The following PRELID2 variants were observed in gnomAD, a reference collection of about 807,000 sequenced individuals.
PRELID2 encodes PRELI domain-containing protein 2.
PRELID2 carries 25 observed loss-of-function variants against 28.4 expected under a neutral mutation model. The ratio of observed to expected loss-of-function variants is 0.88; its 90% CI spans 0.64 to 1.23. The LOEUF is 1.23. Ranked by LOEUF, PRELID2 falls within the 50% of genes most tolerant of loss-of-function variation. The probability of loss-of-function intolerance (pLI) is 0.00; values close to 1 mark genes in which losing one functional copy is unlikely to be tolerated. For missense variants in PRELID2, 201 were observed against 214.4 expected (o/e 0.94, Z 0.39); for synonymous variants, 76 against 71.6 (o/e 1.06, Z -0.31).
chr5:145,632,953 T>C (rs1470983450), intron 1 of PRELID2, among the ~76,000 whole-genome samples: 2 of 152,120 alleles, frequency 1.3e-5, no homozygotes, highest in Admixed American at 6.6e-5. Flanking sequence ...AAAGTTCCCA[T>C]GGTATGGAGA....
At chr5:145,490,153 TA>T (rs1220626131) in intron 1 of PRELID2, among the ~76,000 whole-genome samples, 3 of 152,248 alleles carry the variant, frequency 2.0e-5, no homozygotes, top group African/African-American at 7.2e-5. Flanking sequence ...ATTTGATTGA[TA>T]AATCAGCTTG....
At chr5:145,507,009 A>G (rs1752418195) in intron 1 of PRELID2, among the ~76,000 whole-genome samples, 1 of 152,196 alleles carries the variant, frequency 6.6e-6, no homozygotes, top group Admixed American at 6.5e-5. Context: ...CTCTGGAAAT[A>G]TACACAAGGA....
chr5:145,401,335 T>C, the PRELID2 span, among the ~76,000 whole-genome samples: 1 of 151,888 alleles, frequency 6.6e-6, no homozygotes, highest in Non-Finnish European at 1.5e-5. Context: ...ATAAAACTAA[T>C]CAAGTTAAGA....
chr5:145,371,240 G>T, the PRELID2 span, among the ~76,000 whole-genome samples: 1 of 152,060 alleles, frequency 6.6e-6, no homozygotes, highest in Non-Finnish European at 1.5e-5. Flanking sequence ...ATATGATATT[G>T]GCTGTGTATT....
the PRELID2 span, among the ~76,000 whole-genome samples, chr5:145,394,974 C>T: frequency 6.6e-6 from 1 of 152,052 alleles, no homozygotes; most frequent in Non-Finnish European, 1.5e-5. Flanking sequence ...TGGGTTTTCT[C>T]ATCTTAATTT....
chr5:145,419,343 C>A, the PRELID2 span, among the ~76,000 whole-genome samples: 3 of 126,252 alleles, frequency 2.4e-5, no homozygotes, highest in East Asian at 4.3e-4. Context: ...TACAGTCCCA[C>A]CAACAGTGTA....
chr5:145,609,691 C>A (rs988618314), intron 1 of PRELID2, among the ~76,000 whole-genome samples: 1 of 152,202 alleles, frequency 6.6e-6, no homozygotes. Context: ...CAAGTGCTTC[C>A]CAGAAGAACA....
At chr5:145,367,985 T>C in the PRELID2 span, among the ~76,000 whole-genome samples, 1 of 151,978 alleles carries the variant, frequency 6.6e-6, no homozygotes, top group Admixed American at 6.6e-5. Context: ...GATACAATTA[T>C]GTTTGGTTTT....
the PRELID2 span, among the ~76,000 whole-genome samples, chr5:145,446,211 T>A: frequency 6.6e-6 from 1 of 152,026 alleles, no homozygotes; most frequent in African/African-American, 2.4e-5. Context: ...CTATATATAA[T>A]ATGTATGGAA....
chr5:145,778,232 A>G (rs1457977321), intron 5 of PRELID2, among the ~76,000 whole-genome samples: 1 of 152,082 alleles, frequency 6.6e-6, no homozygotes, highest in Non-Finnish European at 1.5e-5. Flanking sequence ...CTCTGCTGAC[A>G]GCTCTAGAAA....
the PRELID2 span, among the ~76,000 whole-genome samples, chr5:145,315,632 C>A: frequency 6.6e-6 from 1 of 150,532 alleles, no homozygotes; most frequent in Non-Finnish European, 1.5e-5. Flanking sequence ...AATAGCCCAT[C>A]CTCACACATA....
At chr5:145,489,487 G>A (rs1752248985) in intron 1 of PRELID2, among the ~76,000 whole-genome samples, 1 of 152,142 alleles carries the variant, frequency 6.6e-6, no homozygotes, top group South Asian at 2.1e-4. Context: ...TTATACAGAT[G>A]AGGGAACTGA....
chr5:145,446,676 A>G, the PRELID2 span, among the ~76,000 whole-genome samples: 1 of 152,166 alleles, frequency 6.6e-6, no homozygotes, highest in Non-Finnish European at 1.5e-5. Context: ...CCGTATTATC[A>G]TCTTCATGAG....
chr5:145,430,777 G>C, the PRELID2 span, among the ~76,000 whole-genome samples: 1 of 152,052 alleles, frequency 6.6e-6, no homozygotes, highest in Non-Finnish European at 1.5e-5. Flanking sequence ...AAAACTCTTA[G>C]TTTAATAATT....
At chr5:145,595,107 G>A (rs549629705) in intron 1 of PRELID2, among the ~76,000 whole-genome samples, 64 of 149,866 alleles carry the variant, frequency 4.3e-4, no homozygotes, top group African/African-American at 1.5e-3. Flanking sequence ...CAGCCTGGGC[G>A]ACAGAGCCAT....
the PRELID2 span, among the ~76,000 whole-genome samples, chr5:145,407,129 G>T: frequency 6.6e-6 from 1 of 152,212 alleles, no homozygotes; most frequent in Non-Finnish European, 1.5e-5. Flanking sequence ...GAGCACAGAA[G>T]CTATAGCTGA....
At chr5:145,471,384 C>T (rs995655278), downstream of PRELID2, among the ~76,000 whole-genome samples, 7 of 152,082 alleles carry the variant, frequency 4.6e-5, no homozygotes, top group African/African-American at 1.7e-4. Flanking sequence ...CCAGATATTT[C>T]TTATACCAAA....
the PRELID2 span, among the ~76,000 whole-genome samples, chr5:145,409,750 G>GAA: frequency 0.016 from 1,679 of 104,904 alleles, 38 homozygotes; most frequent in African/African-American, 0.052. Context: ...CATCTCTACT[G>GAA]AAAAAAAAAA....
rs529516151 is a variant in PRELID2 at position 145,781,154 on chromosome 5, T to C, written c.474+15288A>G. Among the ~76,000 whole-genome samples, 11 of 152,158 alleles carry C rather than the reference T, an allele frequency of 7.2e-5. No homozygotes were observed. The South Asian group carries it at 2.3e-3, about 32-fold the overall frequency. Reference sequence around the variant, plus strand: ...GTCTTTCAGGAAGGATGAAATTCTATCTTAGAGTGGGGAGCCAGGATGAGA... The same window carrying C: ...GTCTTTCAGGAAGGATGAAATTCTACCTTAGAGTGGGGAGCCAGGATGAGA... On this transcript the variant is annotated intron_variant, in intron 5 of 6. Transcript: ENST00000683046.
Sources: gnomAD v4.1 joint callset for allele counts (sites outside exome capture counted in the v4.1 genomes callset) on GRCh38, gnomAD v4.1.1 for gene constraint, MANE v1.5 for transcripts, NCBI Gene and HGNC (gene_info 2026-07-23, HGNC 2026-07-21) for gene names.